Variants in ANK3 observed in about 807,000 individuals in gnomAD.
The protein encoded by ANK3 is ankyrin 3, also known as ankyrin-3.
In ANK3, 57 loss-of-function variants were observed where a neutral mutation model predicts 370.9. The observed-to-expected ratio is 0.15, with a 90% CI of 0.12 to 0.19. The LOEUF (loss-of-function observed/expected upper bound fraction) is 0.19, where lower values mean the gene tolerates loss of function less well. Among genes scored for constraint, ANK3 ranks in the 10% least tolerant of loss-of-function variants. The pLI is 1.00. For missense variants in ANK3, 4,439 were observed against 5,302.1 expected, an observed-to-expected ratio of 0.84 and a Z score of 5.06; for synonymous variants, 1,929 against 1,946.3, an observed-to-expected ratio of 0.99 and a Z score of 0.23.
chr10:60,460,677 T>G (rs2133056909), intron 2 of ANK3, among the ~76,000 whole-genome samples: 1 of 152,280 alleles, frequency 6.6e-6, no homozygotes, highest in Admixed American at 6.5e-5. Flanking sequence ...TGTGAAAGTA[T>G]TACCACCAAA....
chr10:60,302,382 C>T (rs971369888), intron 1 of ANK3, among the ~76,000 whole-genome samples: 2 of 151,954 alleles, frequency 1.3e-5, no homozygotes, highest in East Asian at 3.9e-4. Flanking sequence ...AAGCGTATAC[C>T]AGCAATTTTA....
chr10:60,230,757 CG>C lies in ANK3; in HGVS notation c.897+3930del, dbSNP rs1007976469. Among the ~76,000 whole-genome samples the C allele has an allele frequency of 2.4e-4, 36 of 151,844 alleles. 2 individuals carry two copies. ...TACAAAAATTAGCCGGGCGTGGTGG[CG>C]GGCACCTGTAGTCCCAGCTACTCAG... On this transcript the variant is annotated intron_variant, in intron 8 of 43. Transcript: ENST00000280772.
intron 1 of ANK3, among the ~76,000 whole-genome samples, chr10:60,732,207 G>T (rs1045581355): frequency 6.6e-6 from 1 of 152,060 alleles, no homozygotes; most frequent in African/African-American, 2.4e-5. Context: ...AGTCCTAAAA[G>T]GTATGTGAAA....
intron 2 of ANK3, among the ~76,000 whole-genome samples, chr10:60,569,475 C>G (rs527380960): frequency 6.6e-6 from 1 of 152,242 alleles, no homozygotes; most frequent in South Asian, 2.1e-4. Flanking sequence ...TCTTTGATAA[C>G]TAGCATAAGT....
At chr10:60,090,429 A>G (rs1446845012) in intron 28 of ANK3, among the ~76,000 whole-genome samples, 3 of 152,224 alleles carry the variant, frequency 2.0e-5, no homozygotes, top group Non-Finnish European at 4.4e-5. Flanking sequence ...AGCATAATAT[A>G]AAAGGTAATA....
intron 23 of ANK3, chr10:60,145,987 T>A (rs758323728): frequency 9.7e-7 from 1 of 1,034,830 alleles, no homozygotes; most frequent in African/African-American, 1.6e-5. Context: ...TAAACTCTTG[T>A]ACCTTGGGAA....
In ANK3 at chr10:60,072,506, T is replaced by C. The variant is rs1218596787; in HGVS notation, c.8375A>G (p.Glu2792Gly). Residue 2792 changes from glutamate (E) to glycine (G), a missense_variant, in exon 37 of 44, where the codon GAG (glutamate) becomes GGG (glycine). By Grantham distance (98) the Glu-to-Gly change is moderately conservative. Transcript: ENST00000280772. ...AACAATTTCGTTGCTTTGGGCATGC[T>C]CATCTTTGGTTTTTAATACCATAAA... is the stretch of plus-strand genomic sequence containing the variant. Reference protein sequence around the residue: ...KDFMVLKTKDEHAQSNEIVVN... With the variant: ...KDFMVLKTKDGHAQSNEIVVN... 6.2e-7 allele frequency: 1 copy of C among 1,613,802 alleles called. No individual in the cohort carries two copies. The highest frequency in any genetic ancestry group is 1.3e-5 in the African/African-American group (1 of 74,900).
chr10:60,035,078 A>G (rs1157659465), intron 43 of ANK3, among the ~76,000 whole-genome samples: 1 of 152,124 alleles, frequency 6.6e-6, no homozygotes, highest in Admixed American at 6.6e-5. Context: ...GAAAAACCTA[A>G]CAGTAATAAA....
At chr10:60,037,471 G>T (rs748308247) in intron 43 of ANK3, among the ~76,000 whole-genome samples, 1 of 152,052 alleles carries the variant, frequency 6.6e-6, no homozygotes, top group East Asian at 1.9e-4. Flanking sequence ...GTAGATCCCA[G>T]TGTCTGTTTT....
At chr10:60,681,743 C>T (rs148876752) in intron 1 of ANK3, among the ~76,000 whole-genome samples, 1 of 152,294 alleles carries the variant, frequency 6.6e-6, no homozygotes, top group African/African-American at 2.4e-5. Flanking sequence ...CAGACTGGCT[C>T]CGACTTGGAC....
intron 1 of ANK3, among the ~76,000 whole-genome samples, chr10:60,694,293 G>A (rs894664875): frequency 6.6e-6 from 1 of 152,160 alleles, no homozygotes; most frequent in Non-Finnish European, 1.5e-5. Flanking sequence ...TGAAAGTGAC[G>A]GGGAGAATGG....
intron 42 of ANK3, among the ~76,000 whole-genome samples, chr10:60,054,528 A>C (rs1038745027): frequency 2.6e-5 from 4 of 152,314 alleles, no homozygotes; most frequent in East Asian, 1.9e-4. Flanking sequence ...GGGAAAAAAA[A>C]ATAGATGATC....
intron 17 of ANK3, among the ~76,000 whole-genome samples, chr10:60,182,079 C>CT (rs200772662): frequency 0.094 from 13,533 of 143,844 alleles, 690 homozygotes; most frequent in African/African-American, 0.12. Flanking sequence ...AAAAATTAGA[C>CT]TTTTTTTTTT....
chr10:60,602,340 G>A (rs970861491), intron 2 of ANK3, among the ~76,000 whole-genome samples: 2 of 152,024 alleles, frequency 1.3e-5, no homozygotes, highest in African/African-American at 4.8e-5. Context: ...GGTTGGCAGT[G>A]GGCTTAGTCA....
intron 5 of ANK3, among the ~76,000 whole-genome samples, chr10:60,264,417 G>A (rs865883168): frequency 3.0e-4 from 46 of 152,122 alleles, no homozygotes; most frequent in African/African-American, 1.1e-3. Flanking sequence ...AGGCAGAGGC[G>A]GCCAGATTGC....
At position 60,226,679 on chromosome 10, in the gene ANK3, A is replaced by T. The variant is rs573850312; in HGVS notation, c.897+8009T>A. Among the ~76,000 whole-genome samples the T allele has an allele frequency of 2.2e-4, 31 of 139,244 alleles. 1 individual carries two copies. The East Asian group carries it at 5.7e-3, about 26-fold the overall frequency. The allele number at this position is 139,244 out of a possible 152,430, so 91.3% of individuals were successfully genotyped here. A position where few individuals can be genotyped will look rare whatever the true frequency, so the allele number is the denominator to read the frequency against. ...ATAATAAATTATAGTATAATATAGTATAACATAATATACTATATTATATAG... is the reference window on the plus strand; with the variant it reads ...ATAATAAATTATAGTATAATATAGTTTAACATAATATACTATATTATATAG... On this transcript the variant is annotated intron_variant, in intron 8 of 43. Transcript: ENST00000280772.
rs185767073 is a variant in ANK3 at position 60,119,025 on chromosome 10, G to C, written c.2842-4694C>G. On this transcript the variant is annotated intron_variant, in intron 25 of 43. Transcript: ENST00000280772. ...TGTAACACGAACAAATCTCATACTT[G>C]ATCAAAACAATGAGCTATATATTAT... Among the ~76,000 whole-genome samples, 125 of 152,186 alleles carry C rather than the reference G, an allele frequency of 8.2e-4. 1 individual carries two copies. Among genetic ancestry groups the C allele is most frequent in the African/African-American group, 2.8e-3 (116 of 41,500 alleles).
intron 2 of ANK3, among the ~76,000 whole-genome samples, chr10:60,524,889 T>C (rs540929262): frequency 1.3e-5 from 2 of 152,218 alleles, no homozygotes; most frequent in South Asian, 4.1e-4. Flanking sequence ...CTTGATGAAC[T>C]GGACCCATGA....
At chr10:60,654,173 C>A (rs2078831141) in intron 1 of ANK3, among the ~76,000 whole-genome samples, 1 of 152,042 alleles carries the variant, frequency 6.6e-6, no homozygotes, top group Non-Finnish European at 1.5e-5. Flanking sequence ...TTTCTTATAT[C>A]CTGCAACCTT....
Sources: allele counts gnomAD v4.1 joint callset (sites outside exome capture counted in the v4.1 genomes callset), GRCh38; gene constraint gnomAD v4.1.1; transcripts MANE v1.5; gene names NCBI Gene and HGNC (gene_info 2026-07-23, HGNC 2026-07-21).